CSMD1: variants seen among roughly 807,000 people sequenced by gnomAD.
CSMD1 encodes CUB and sushi domain-containing protein 1.
In CSMD1, 213 loss-of-function variants were observed where a neutral mutation model predicts 417.5. That is an observed-to-expected ratio of 0.51 (90% CI 0.46 to 0.57). CSMD1 has a LOEUF of 0.57. Ranked by LOEUF, CSMD1 falls within the 20% of genes least tolerant of loss-of-function variation. CSMD1 has a pLI of 0.00. For missense variants in CSMD1, 6,923 were observed against 4,529.7 expected, an observed-to-expected ratio of 1.53 and a Z score of -15.17; for synonymous variants, 2,862 against 1,736.8, an observed-to-expected ratio of 1.65 and a Z score of -16.11.
At chr8:3,965,909 G>T (rs1436213615) in intron 5 of CSMD1, among the ~76,000 whole-genome samples, 1 of 152,174 alleles carries the variant, frequency 6.6e-6, no homozygotes, top group African/African-American at 2.4e-5. Context: ...GAGCCACCAT[G>T]CCCGGCCAAT....
intron 1 of CSMD1, among the ~76,000 whole-genome samples, chr8:4,721,216 A>C (rs1000295348): frequency 1.3e-5 from 2 of 152,184 alleles, no homozygotes; most frequent in Non-Finnish European, 2.9e-5. Flanking sequence ...TAATTTACTG[A>C]AACATAGGAA....
rs1806473466 is a variant in CSMD1, at chr8:2,992,388, A to C, written c.8377+5623T>G. Among the ~76,000 whole-genome samples, 3 of 151,914 alleles carry C rather than the reference A, an allele frequency of 2.0e-5. No individual in the cohort carries two copies. In the South Asian group the frequency reaches 6.2e-4, roughly 32 times the overall value. On this transcript the variant is annotated intron_variant, in intron 54 of 69. Coordinates refer to ENST00000635120, the MANE Select transcript of CSMD1 (RefSeq NM_033225.6). The stretch of plus-strand genomic sequence containing the variant: ...AGCGCCCCTGAACTGCACACTTTAG[A>C]ACGGTTAACTAGGTCGAGTTTTGAT...
chr8:2,968,751 G>C (rs889191517), intron 57 of CSMD1, among the ~76,000 whole-genome samples: 1 of 151,806 alleles, frequency 6.6e-6, no homozygotes, highest in African/African-American at 2.4e-5. Flanking sequence ...GGAGAAAAAA[G>C]AACAATAAAT....
chr8:3,342,618 CTGT>C (rs1427581785), intron 23 of CSMD1, among the ~76,000 whole-genome samples: 2 of 152,096 alleles, frequency 1.3e-5, no homozygotes, highest in African/African-American at 4.8e-5. Context: ...TTTTATTTCC[CTGT>C]TCTTTTGGCT....
intron 49 of CSMD1, among the ~76,000 whole-genome samples, chr8:3,068,568 G>A (rs1399527249): frequency 1.3e-5 from 2 of 151,854 alleles, no homozygotes; most frequent in African/African-American, 4.9e-5. Flanking sequence ...GTTGGCTCAT[G>A]TTTCTGCAGG....
chr8:4,643,940 C>T (rs1044692656), intron 1 of CSMD1, among the ~76,000 whole-genome samples: 1 of 152,202 alleles, frequency 6.6e-6, no homozygotes, highest in African/African-American at 2.4e-5. Context: ...CCTGGAGCTA[C>T]TGACATCAGC....
In CSMD1 at chr8:3,292,923, G is replaced by A. The variant is rs558831754; in HGVS notation, c.3951-8577C>T. On this transcript the variant is annotated intron_variant, in intron 25 of 69. Transcript: ENST00000635120. ...GTTGATGCAGTTTCTTCCTAGTCTC[G>A]ATGGTCTTTACATTTTGGCATGATT... Among the ~76,000 whole-genome samples the A allele has an allele frequency of 8.2e-3, 1,242 of 152,068 alleles. 19 individuals are homozygous for A. Among genetic ancestry groups the A allele is most frequent in the African/African-American group, 0.027 (1,125 of 41,472 alleles).
intron 5 of CSMD1, among the ~76,000 whole-genome samples, chr8:3,784,827 C>G (rs970026144): frequency 1.3e-5 from 2 of 152,194 alleles, no homozygotes; most frequent in African/African-American, 4.8e-5. Context: ...ACCATTTCCG[C>G]TGATTTTCAA....
At chr8:4,142,448 A>T (rs1803847698) in intron 3 of CSMD1, among the ~76,000 whole-genome samples, 1 of 150,848 alleles carries the variant, frequency 6.6e-6, no homozygotes, top group Non-Finnish European at 1.5e-5. Context: ...GTTTCCCTCT[A>T]CTCCTCTGAG....
chr8:3,528,476 T>G (rs372684556), intron 10 of CSMD1, among the ~76,000 whole-genome samples: 4 of 152,204 alleles, frequency 2.6e-5, no homozygotes, highest in Non-Finnish European at 5.9e-5. Context: ...TTCCAAACCT[T>G]GAGGAAGAAG....
chr8:4,675,338 G>T (rs1299347085), intron 1 of CSMD1, among the ~76,000 whole-genome samples: 1 of 152,158 alleles, frequency 6.6e-6, no homozygotes, highest in East Asian at 1.9e-4. Flanking sequence ...TAAAATAAAT[G>T]AGTGTAGAGA....
chr8:3,817,165 G>C (rs1801419161), intron 5 of CSMD1, among the ~76,000 whole-genome samples: 1 of 145,932 alleles, frequency 6.9e-6, no homozygotes. Flanking sequence ...AGTAGAAAGA[G>C]ACGACCCCTC....
Position 2,973,235 on chromosome 8 carries a change from G to C in CSMD1, c.8805C>G (p.Asp2935Glu), listed in dbSNP as rs1804615188. The C allele has an allele frequency of 2.5e-6, 4 of 1,613,946 alleles. No homozygotes were observed. The highest frequency in any genetic ancestry group is 3.4e-6 in the Non-Finnish European group (4 of 1,179,864). Residue 2935 changes from aspartate (D) to glutamate (E), a missense_variant, in exon 57 of 70, where the codon GAC becomes GAG. By Grantham distance (45) the Asp-to-Glu change is conservative (BLOSUM62 2). Transcript: ENST00000635120. Reference sequence around the variant, plus strand: ...AGCGGAGAAGACTCTTTGTCTTAAAGTCATCACCAAGCCGAGACCCATGTG... The same window carrying C: ...AGCGGAGAAGACTCTTTGTCTTAAACTCATCACCAAGCCGAGACCCATGTG... The part of the protein sequence containing the change: ...TPAHGSRLGD[D>E]FKTKSLLRFS...
intron 11 of CSMD1, among the ~76,000 whole-genome samples, chr8:3,479,446 AAT>A (rs1482380122): frequency 1.3e-5 from 2 of 151,968 alleles, no homozygotes; most frequent in Non-Finnish European, 2.9e-5. Context: ...ATGCCCAGCT[AAT>A]TTTGTACTTT....
chr8:3,377,266 C>T (rs1193989744), intron 18 of CSMD1, among the ~76,000 whole-genome samples: 1 of 152,172 alleles, frequency 6.6e-6, no homozygotes, highest in Non-Finnish European at 1.5e-5. Flanking sequence ...TCTACCTCAG[C>T]CTCCCAATGT....
At chr8:4,271,368 T>C (rs1381541472) in intron 3 of CSMD1, among the ~76,000 whole-genome samples, 12 of 152,014 alleles carry the variant, frequency 7.9e-5, no homozygotes, top group Non-Finnish European at 1.8e-4. Flanking sequence ...AATGTCAAAA[T>C]AAATAAATAA....
At chr8:4,857,146 C>T (rs1801850453) in intron 1 of CSMD1, among the ~76,000 whole-genome samples, 1 of 151,152 alleles carries the variant, frequency 6.6e-6, no homozygotes, top group Non-Finnish European at 1.5e-5. Context: ...GGAAACTGAA[C>T]AACCTGCTCA....
chr8:3,428,700 T>C (rs768901255), intron 12 of CSMD1, among the ~76,000 whole-genome samples: 4 of 152,092 alleles, frequency 2.6e-5, no homozygotes, highest in Non-Finnish European at 4.4e-5. Context: ...ATCCTACTAG[T>C]GGGCATATAC....
Position 3,871,661 on chromosome 8 carries a change from A to G in CSMD1, c.819-117619T>C, listed in dbSNP as rs2930350. On this transcript the variant is annotated intron_variant, in intron 5 of 69. Coordinates refer to ENST00000635120, the MANE Select transcript of CSMD1 (RefSeq NM_033225.6). ...ACTTTACCATTAGTCTCAACCTTTA[A>G]TCTTTTCATACAGAGGTCAATCATT... Among the ~76,000 whole-genome samples the G allele has an allele frequency of 8.2e-3, 1,249 of 152,298 alleles. 9 individuals carry two copies. Among genetic ancestry groups the G allele is most frequent in the Non-Finnish European group, 0.013 (904 of 68,024 alleles).
Sources: allele counts gnomAD v4.1 joint callset (sites outside exome capture counted in the v4.1 genomes callset), GRCh38; gene constraint gnomAD v4.1.1; transcripts MANE v1.5; gene names NCBI Gene and HGNC (gene_info 2026-07-23, HGNC 2026-07-21).